The following SLC30A10 variants were observed in gnomAD, a reference collection of about 807,000 sequenced individuals.
SLC30A10 encodes solute carrier family 30 member 10, also known as calcium/manganese antiporter SLC30A10.
Under a neutral mutation model 21.7 loss-of-function variants are expected in SLC30A10, and 8 were observed. The ratio of observed to expected loss-of-function variants is 0.37; its 90% confidence interval spans 0.22 to 0.67. The LOEUF (loss-of-function observed/expected upper bound fraction) is 0.67. Ranked by LOEUF, SLC30A10 falls within the 30% of genes least tolerant of loss-of-function variation. SLC30A10 has a pLI of 0.58. For synonymous variants in SLC30A10, 272 were observed against 279.4 expected (o/e 0.97, Z 0.26); for missense variants, 521 against 642.5 (o/e 0.81, Z 2.04).
rs375753859 is a variant in SLC30A10, at chr1:219,925,766, C to T, written c.718+1262G>A. The stretch of plus-strand genomic sequence containing the variant: ...CACCTCTGGGGTTCAAGCAATTCTC[C>T]TGCCTCAGCCTCCCGAGTAGCTGGG... On this transcript the variant is annotated intron_variant, in intron 2 of 3. Coordinates refer to ENST00000366926, the MANE Select transcript of SLC30A10 (RefSeq NM_018713.3). Among the ~76,000 whole-genome samples the T allele has an allele frequency of 5.5e-5, 8 of 145,488 alleles. No individual in the cohort carries two copies. In the East Asian group the frequency reaches 1.5e-3, roughly 28 times the overall value.
At chr1:219,938,597 G>A (rs1157966128) in intron 1 of SLC30A10, among the ~76,000 whole-genome samples, 1 of 152,230 alleles carries the variant, frequency 6.6e-6, no homozygotes, top group Admixed American at 6.5e-5. Context: ...GGACGATTAG[G>A]AAGCTCTTTG....
At chr1:219,958,570 G>C (rs1660381919) in exon 1 of SLC30A10, 1 of 152,842 alleles carries the variant, frequency 6.5e-6, no homozygotes, top group Non-Finnish European at 1.5e-5. Context: ...CTATTTACCT[G>C]CTTCCATGTC....
Position 219,911,149 on chromosome 1 carries a change from G to GTTTTTTTTTTGT in SLC30A10, c.*4299_*4300insACAAAAAAAAAA, listed in dbSNP as rs1553311741. On this transcript the variant is annotated 3_prime_UTR_variant, in exon 4 of 4. Coordinates refer to ENST00000366926, the MANE Select transcript of SLC30A10 (RefSeq NM_018713.3). ...ATGTTTCTTCATTTTTTCTACATCAGTTTTTTTTTTTTTTTTTTTTTTTTT... is the reference window on the plus strand; with the variant it reads ...ATGTTTCTTCATTTTTTCTACATCAGTTTTTTTTTTGTTTTTTTTTTTTTTTTTTTTTTTTTT... Among the ~76,000 whole-genome samples the GTTTTTTTTTTGT allele has an allele frequency of 8.0e-3, 397 of 49,354 alleles. 3 individuals carry two copies. The highest frequency in any genetic ancestry group is 0.014 in the Non-Finnish European group (310 of 22,394). The allele number at this position is 49,354 out of a possible 152,430, so 32.4% of individuals were successfully genotyped here.
At chr1:219,957,413 C>T (rs942962720) in intron 1 of SLC30A10, among the ~76,000 whole-genome samples, 14 of 152,068 alleles carry the variant, frequency 9.2e-5, no homozygotes, top group African/African-American at 3.4e-4. Context: ...TATATAATGG[C>T]CCAGCTACTG....
chr1:219,936,216 G>T (rs1031441101), intron 1 of SLC30A10, among the ~76,000 whole-genome samples: 2 of 152,152 alleles, frequency 1.3e-5, no homozygotes, highest in African/African-American at 2.4e-5. Flanking sequence ...TCTGTAAAAT[G>T]CAAAGAATAG....
At position 219,928,155 on chromosome 1, in the gene SLC30A10, T is replaced by C. The variant is rs1659893089; in HGVS notation, c.286A>G (p.Ile96Val). 1.3e-6 allele frequency: 2 copies of C among 1,561,272 alleles called. No individual in the cohort carries two copies. The highest frequency in any genetic ancestry group is 1.2e-5 in the South Asian group (1 of 84,952). ...AVFLTALCFT[I>V]FVEAVLRLAR... ...AGGCGCAGCACGGCCTCCACGAAGATGGTGAAGCAGAGCGCGGTGAGGAAG... is the reference window on the plus strand; with the variant it reads ...AGGCGCAGCACGGCCTCCACGAAGACGGTGAAGCAGAGCGCGGTGAGGAAG... The change falls in exon 1 of 4, where the codon ATC becomes GTC. Residue 96 changes from isoleucine (I) to valine (V), a missense_variant. By Grantham distance (29) the Ile-to-Val change is conservative. Transcript: ENST00000366926. This position sits in a 1 kb window ranked among gnomAD's most constrained non-coding sequence, Gnocchi z 6.3.
At chr1:219,950,683 C>T (rs1218427386) in intron 1 of SLC30A10, among the ~76,000 whole-genome samples, 1 of 152,054 alleles carries the variant, frequency 6.6e-6, no homozygotes, top group Non-Finnish European at 1.5e-5. Context: ...GGCGTGTTGG[C>T]TCATGCCCAT....
At chr1:219,950,537 GC>G (rs1415856936) in intron 1 of SLC30A10, among the ~76,000 whole-genome samples, 7 of 151,982 alleles carry the variant, frequency 4.6e-5, no homozygotes, top group Non-Finnish European at 8.8e-5. Context: ...TACTGGGGAG[GC>G]TGAGGCAGGA....
At chr1:219,956,925 A>C (rs1558262948) in intron 1 of SLC30A10, among the ~76,000 whole-genome samples, 1 of 152,252 alleles carries the variant, frequency 6.6e-6, no homozygotes, top group Non-Finnish European at 1.5e-5. Flanking sequence ...TTGTATGTCA[A>C]GAATGAAGGC....
chr1:219,947,089 C>A (rs975413928), intron 1 of SLC30A10, among the ~76,000 whole-genome samples: 2 of 152,178 alleles, frequency 1.3e-5, no homozygotes, highest in Non-Finnish European at 2.9e-5. Context: ...TTCAACCTGA[C>A]TTCTCTGCTG....
In SLC30A10 at chr1:219,918,224, G is replaced by A; in HGVS notation, c.958+31C>T. On this transcript the variant is annotated intron_variant, in intron 3 of 3. Transcript: ENST00000366926. This position sits in a 1 kb window ranked among gnomAD's most constrained non-coding sequence, Gnocchi z 4.4. ...TGGCCTGAATAACATTAAATTGAGA[G>A]TGGTTCTGGATCAAAATTCAGTCTA... 1 of 1,607,550 alleles carries A rather than the reference G, an allele frequency of 6.2e-7. No homozygotes were observed. Among genetic ancestry groups the A allele is most frequent in the Non-Finnish European group, 8.5e-7 (1 of 1,176,574 alleles).
At chr1:219,954,805 G>T (rs1660324345) in intron 1 of SLC30A10, among the ~76,000 whole-genome samples, 1 of 151,396 alleles carries the variant, frequency 6.6e-6, no homozygotes, top group South Asian at 2.1e-4. Flanking sequence ...GATATAAATG[G>T]CAGGCCCCGT....
chr1:219,936,321 T>C (rs970985893), intron 1 of SLC30A10, among the ~76,000 whole-genome samples: 1 of 152,176 alleles, frequency 6.6e-6, no homozygotes, highest in Non-Finnish European at 1.5e-5. Flanking sequence ...ATTGCTGTAA[T>C]TATGAAGCCA....
intron 1 of SLC30A10, among the ~76,000 whole-genome samples, chr1:219,946,886 A>T (rs1330214209): frequency 6.6e-6 from 1 of 152,170 alleles, no homozygotes; most frequent in African/African-American, 2.4e-5. Flanking sequence ...CTTATTTCTC[A>T]AGTAGTTCCA....
intron 1 of SLC30A10, among the ~76,000 whole-genome samples, chr1:219,956,160 C>A (rs1571816776): frequency 6.6e-6 from 1 of 152,084 alleles, no homozygotes; most frequent in South Asian, 2.1e-4. Flanking sequence ...ACTAAAATTT[C>A]TTTTCTTTTT....
At chr1:219,958,171 CT>C (rs58017566) in intron 1 of SLC30A10, among the ~76,000 whole-genome samples, 2 of 152,062 alleles carry the variant, frequency 1.3e-5, no homozygotes, top group Admixed American at 6.6e-5. Context: ...GAGACATTAA[CT>C]TTTTTTTAAA....
At chr1:219,935,631 G>T (rs1307098107) in intron 1 of SLC30A10, among the ~76,000 whole-genome samples, 3 of 152,188 alleles carry the variant, frequency 2.0e-5, no homozygotes, top group African/African-American at 7.2e-5. Flanking sequence ...GTAGTTATGA[G>T]AATCAAATGA....
chr1:219,925,722 C>A (rs2102532771), intron 2 of SLC30A10, among the ~76,000 whole-genome samples: 1 of 126,284 alleles, frequency 7.9e-6, no homozygotes, highest in South Asian at 2.9e-4. Context: ...GTGGTACAAT[C>A]TCGGCTCACT....
chr1:219,923,279 C>T (rs144898135), intron 2 of SLC30A10, among the ~76,000 whole-genome samples: 1 of 152,332 alleles, frequency 6.6e-6, no homozygotes, highest in East Asian at 1.9e-4. Flanking sequence ...AGTTACAATG[C>T]TCTCAAGGTA....
Sources: gnomAD v4.1 joint callset for allele counts (sites outside exome capture counted in the v4.1 genomes callset) on GRCh38, gnomAD v4.1.1 for gene constraint, Gnocchi (gnomAD v3.1) non-coding constraint, MANE v1.5 for transcripts, NCBI Gene and HGNC (gene_info 2026-07-23, HGNC 2026-07-21) for gene names.